The following KIAA0825 variants were observed in gnomAD, a reference collection of about 807,000 sequenced individuals.
KIAA0825 encodes KIAA0825, also known as uncharacterized protein KIAA0825.
In KIAA0825, 119 loss-of-function variants were observed where a neutral mutation model predicts 147.6. That is an observed-to-expected ratio of 0.81 (90% CI 0.69 to 0.94). The LOEUF (loss-of-function observed/expected upper bound fraction) is 0.94. Among genes scored for constraint, KIAA0825 ranks in the 40% least tolerant of loss-of-function variants. The pLI is 0.00. For synonymous variants in KIAA0825, 470 were observed against 518.1 expected (o/e 0.91, Z 1.26); for missense variants, 1,381 against 1,472.7 (o/e 0.94, Z 1.02).
chr5:94,259,647 A>C (rs1051954905), intron 20 of KIAA0825, among the ~76,000 whole-genome samples: 11 of 151,978 alleles, frequency 7.2e-5, no homozygotes, highest in African/African-American at 2.7e-4. Flanking sequence ...TTATTTTTCA[A>C]CATACTTTTT....
intron 2 of KIAA0825, among the ~76,000 whole-genome samples, chr5:94,554,770 T>C (rs1185654339): frequency 7.5e-6 from 1 of 133,670 alleles, no homozygotes; most frequent in Non-Finnish European, 1.6e-5. Flanking sequence ...ATGAATTCAT[T>C]TAATTCTTAA....
At chr5:94,565,286 G>C (rs1181168020) in intron 2 of KIAA0825, among the ~76,000 whole-genome samples, 3 of 148,644 alleles carry the variant, frequency 2.0e-5, no homozygotes, top group African/African-American at 7.4e-5. Context: ...TCTGCTGCCA[G>C]AATGATCTTT....
At chr5:94,517,615 C>G (rs1004923347) in intron 5 of KIAA0825, among the ~76,000 whole-genome samples, 3 of 151,012 alleles carry the variant, frequency 2.0e-5, no homozygotes, top group African/African-American at 7.3e-5. Flanking sequence ...ACAAAGCCTG[C>G]TTAAAGTCAC....
intron 4 of KIAA0825, among the ~76,000 whole-genome samples, chr5:94,522,607 G>GA (rs973565927): frequency 6.6e-6 from 1 of 151,344 alleles, no homozygotes; most frequent in Non-Finnish European, 1.5e-5. Context: ...AATTTTCTAT[G>GA]AAAAAAACAG....
At chr5:94,359,487 T>C (rs1744762997) in intron 20 of KIAA0825, among the ~76,000 whole-genome samples, 1 of 152,234 alleles carries the variant, frequency 6.6e-6, no homozygotes, top group African/African-American at 2.4e-5. Flanking sequence ...CCATGTGCAG[T>C]GGCTCACGCC....
At chr5:94,395,015 G>A (rs1750448191) in intron 17 of KIAA0825, among the ~76,000 whole-genome samples, 2 of 152,164 alleles carry the variant, frequency 1.3e-5, no homozygotes, top group African/African-American at 4.8e-5. Flanking sequence ...ACTAACCAGT[G>A]AATGCAATAT....
intron 15 of KIAA0825, among the ~76,000 whole-genome samples, chr5:94,407,162 C>T (rs1170703725): frequency 1.3e-5 from 2 of 152,154 alleles, no homozygotes; most frequent in East Asian, 1.9e-4. Context: ...AAGAAGGACA[C>T]AGACATGTAC....
chr5:94,482,271 G>T (rs1453446334), intron 6 of KIAA0825, among the ~76,000 whole-genome samples: 1 of 151,838 alleles, frequency 6.6e-6, no homozygotes, highest in Non-Finnish European at 1.5e-5. Flanking sequence ...TAAAATATTT[G>T]GTTAATCATT....
chr5:94,459,748 G>A (rs1344791590), intron 12 of KIAA0825, among the ~76,000 whole-genome samples: 2 of 152,000 alleles, frequency 1.3e-5, no homozygotes, highest in African/African-American at 4.8e-5. Flanking sequence ...ATTAAATGTT[G>A]AAATAGCCAG....
At chr5:94,541,990 C>T (rs2151378556) in intron 2 of KIAA0825, among the ~76,000 whole-genome samples, 1 of 152,270 alleles carries the variant, frequency 6.6e-6, no homozygotes, top group East Asian at 1.9e-4. Flanking sequence ...TTATTGTATG[C>T]TACAAAGATA....
intron 14 of KIAA0825, among the ~76,000 whole-genome samples, chr5:94,429,195 G>A (rs1755307590): frequency 6.6e-6 from 1 of 152,068 alleles, no homozygotes; most frequent in Non-Finnish European, 1.5e-5. Context: ...TCCTTTCTGA[G>A]TTTCATTTTG....
intron 20 of KIAA0825, among the ~76,000 whole-genome samples, chr5:94,222,930 C>G (rs1773799298): frequency 1.3e-5 from 2 of 152,116 alleles, no homozygotes; most frequent in African/African-American, 4.8e-5. Context: ...TCAACTTGCA[C>G]AGTTACCCTT....
At chr5:94,591,563 C>G (rs1276979997) in intron 1 of KIAA0825, among the ~76,000 whole-genome samples, 5 of 152,160 alleles carry the variant, frequency 3.3e-5, no homozygotes, top group African/African-American at 1.2e-4. Flanking sequence ...TCATTTAAAG[C>G]AAAGTATACC....
At chr5:94,391,445 A>C in intron 18 of KIAA0825, 90 bp downstream of exon 18, 1 of 1,280,240 alleles carries the variant, frequency 7.8e-7, no homozygotes, top group Middle Eastern at 2.1e-4. Context: ...AAGAAGTATT[A>C]TCACCTCCTT....
Position 94,403,597 on chromosome 5 carries a change from T to C in KIAA0825, c.2859A>G (p.Lys953=). Reference sequence around the variant, plus strand: ...TGCATGATTCTTTCCTGTTAGTTTCTTTTGGACTATAATTCCATTCCTTTG... The same window carrying C: ...TGCATGATTCTTTCCTGTTAGTTTCCTTTGGACTATAATTCCATTCCTTTG... ...SMPKEWNYSP[K]ETNRKESCKS... Residue 953 remains lysine (K), a synonymous_variant, in exon 16 of 21, where the codon AAA becomes AAG. Coordinates refer to ENST00000682413, the MANE Select transcript of KIAA0825 (RefSeq NM_001145678.3). 1 of 1,551,512 alleles carries C rather than the reference T, an allele frequency of 6.4e-7. No individual in the cohort carries two copies. Among genetic ancestry groups the C allele is most frequent in the Non-Finnish European group, 8.7e-7 (1 of 1,146,844 alleles).
At chr5:94,372,854 C>A (rs922253576) in intron 20 of KIAA0825, among the ~76,000 whole-genome samples, 3 of 152,178 alleles carry the variant, frequency 2.0e-5, no homozygotes, top group African/African-American at 4.8e-5. Flanking sequence ...ATTTTCCAAA[C>A]CTTTATGTTC....
At chr5:94,209,819 T>C (rs17376207) in intron 20 of KIAA0825, among the ~76,000 whole-genome samples, 15,989 of 152,202 alleles carry the variant, frequency 0.11, 951 homozygotes, top group Middle Eastern at 0.14. Context: ...CTTCTAGGAA[T>C]CCCTATATGG....
chr5:94,384,350 G>T lies in KIAA0825; in HGVS notation c.3710+18C>A, dbSNP rs1251156772. The stretch of plus-strand genomic sequence containing the variant: ...CCTTGTCCCTCAACCAGACCCCCAA[G>T]GTCCCCAATTTTATTACCTGTTTTT... On this transcript the variant is annotated intron_variant, in intron 20 of 20. Transcript: ENST00000682413. The T allele has an allele frequency of 1.9e-6, 3 of 1,545,738 alleles. No individual in the cohort carries two copies. Among genetic ancestry groups the T allele is most frequent in the Non-Finnish European group, 2.6e-6 (3 of 1,141,774 alleles).
At chr5:94,579,902 C>G (rs113125296) in intron 2 of KIAA0825, among the ~76,000 whole-genome samples, 30 of 152,218 alleles carry the variant, frequency 2.0e-4, no homozygotes, top group African/African-American at 6.3e-4. Flanking sequence ...TTAATCAATG[C>G]CTTCACAGAC....
Sources: allele counts gnomAD v4.1 joint callset (sites outside exome capture counted in the v4.1 genomes callset), GRCh38; gene constraint gnomAD v4.1.1; transcripts MANE v1.5; gene names NCBI Gene and HGNC (gene_info 2026-07-23, HGNC 2026-07-21).